HLCS: variants seen among roughly 807,000 people sequenced by gnomAD.
The protein encoded by HLCS is biotin--protein ligase.
Under a neutral mutation model 75.0 loss-of-function variants are expected in HLCS, and 53 were observed. That is an observed-to-expected ratio of 0.71 (90% confidence interval 0.57 to 0.89). The LOEUF (loss-of-function observed/expected upper bound fraction) is 0.89. Ranked by LOEUF, HLCS falls within the 40% of genes least tolerant of loss-of-function variation. The pLI is 0.00. For synonymous variants in HLCS, 431 were observed against 428.6 expected (o/e 1.01, Z -0.07); for missense variants, 966 against 1,074.0 (o/e 0.90, Z 1.41).
At chr21:36,819,292 C>T (rs1468875484) in intron 6 of HLCS, among the ~76,000 whole-genome samples, 2 of 152,168 alleles carry the variant, frequency 1.3e-5, no homozygotes, top group African/African-American at 4.8e-5. Flanking sequence ...CAGAAGGGTT[C>T]CCCAGAGGGG....
intron 2 of HLCS, among the ~76,000 whole-genome samples, chr21:36,941,651 T>C (rs1003577904): frequency 6.6e-6 from 1 of 152,116 alleles, no homozygotes; most frequent in African/African-American, 2.4e-5. Flanking sequence ...CCGAGGCAGG[T>C]AGACCACCAG....
intron 2 of HLCS, among the ~76,000 whole-genome samples, chr21:36,953,963 G>T (rs2146617799): frequency 6.6e-6 from 1 of 152,158 alleles, no homozygotes; most frequent in Admixed American, 6.5e-5. Context: ...CGTATTTCTG[G>T]TGATGCCGGT....
chr21:36,800,843 C>T (rs945942549), intron 6 of HLCS, among the ~76,000 whole-genome samples: 2 of 152,056 alleles, frequency 1.3e-5, no homozygotes. Flanking sequence ...TATTATGGAA[C>T]CCACCAAGAA....
At chr21:36,983,563 C>T (rs1306075154) in intron 1 of HLCS, among the ~76,000 whole-genome samples, 3 of 151,730 alleles carry the variant, frequency 2.0e-5, no homozygotes, top group African/African-American at 4.8e-5. Flanking sequence ...TTTGGCCGGG[C>T]GCAGTGGCTC....
At chr21:36,833,593 T>TTATATATATATATATATATATATATA (rs56412653) in intron 6 of HLCS, among the ~76,000 whole-genome samples, 87 of 139,980 alleles carry the variant, frequency 6.2e-4, no homozygotes, top group African/African-American at 2.3e-3. Context: ...TAAAAAAAAA[T>TTATATATATATATATATATATATATA]TATATATATA....
chr21:36,791,113 T>C (rs569171590), intron 6 of HLCS, among the ~76,000 whole-genome samples: 6 of 152,260 alleles, frequency 3.9e-5, no homozygotes, highest in Non-Finnish European at 7.4e-5. Context: ...CAGCAACATA[T>C]AGGCTTGTCC....
Position 36,754,412 on chromosome 21 carries a change from T to C in HLCS, c.2456A>G (p.Gln819Arg). The C allele has an allele frequency of 6.2e-7, 1 of 1,612,276 alleles. No homozygotes were observed. The change falls in exon 11 of 11, where the codon CAG (glutamine) becomes CGG (arginine). Residue 819 changes from glutamine (Q) to arginine (R), a missense_variant. Coordinates refer to ENST00000674895, the MANE Select transcript of HLCS (RefSeq NM_001352514.2). ...CTCTGCGCTGCCCAGATGGACTTGC[T>C]GACCACTGAAAAGGAAGAACAGCGT... ...LYYRYWVHSG[Q>R]QVHLGSAEGP...
At chr21:36,871,608 C>G (rs2063772432) in intron 6 of HLCS, among the ~76,000 whole-genome samples, 1 of 152,056 alleles carries the variant, frequency 6.6e-6, no homozygotes, top group African/African-American at 2.4e-5. Context: ...AAACTGTCCA[C>G]AGTTATTTGC....
intron 5 of HLCS, among the ~76,000 whole-genome samples, chr21:36,914,548 G>GC (rs2065848945): frequency 6.6e-6 from 1 of 152,198 alleles, no homozygotes; most frequent in Admixed American, 6.5e-5. Context: ...TTTGTTACCT[G>GC]CCAACTAGCG....
intron 6 of HLCS, among the ~76,000 whole-genome samples, chr21:36,893,635 G>A (rs1402295353): frequency 6.6e-6 from 1 of 152,162 alleles, no homozygotes; most frequent in Non-Finnish European, 1.5e-5. Context: ...CTCATAAGGA[G>A]CACGCAATCT....
intron 6 of HLCS, among the ~76,000 whole-genome samples, chr21:36,855,603 C>G (rs114857143): frequency 6.8e-6 from 1 of 146,500 alleles, no homozygotes; most frequent in East Asian, 2.0e-4. Flanking sequence ...TGTTTGTAGA[C>G]AGGATCTCGC....
At chr21:36,767,340 C>T in intron 6 of HLCS, 55 bp from the exon 7 acceptor site, 2 of 1,518,944 alleles carry the variant, frequency 1.3e-6, no homozygotes, top group South Asian at 2.2e-5. Flanking sequence ...CCCGCGGCAC[C>T]AATGGCTCAC....
intron 6 of HLCS, among the ~76,000 whole-genome samples, chr21:36,870,565 A>G (rs2063735164): frequency 6.6e-6 from 1 of 152,174 alleles, no homozygotes. Flanking sequence ...TAAATTTGCT[A>G]CCTTTGCAGA....
intron 8 of HLCS, among the ~76,000 whole-genome samples, chr21:36,760,658 C>T (rs548173708): frequency 6.6e-6 from 1 of 152,162 alleles, no homozygotes; most frequent in East Asian, 1.9e-4. Flanking sequence ...AGAAATTCAC[C>T]TTAGCGAAAG....
In HLCS at chr21:36,966,425, G is replaced by GGGGC; in HGVS notation, c.195+18_195+19insGCCC. The GGGGC allele has an allele frequency of 4.1e-5, 8 of 195,434 alleles. No homozygotes were observed. The highest frequency in any genetic ancestry group is 6.0e-5 in the Non-Finnish European group (7 of 116,686). The allele number at this position is 195,434 out of a possible 1,614,324, so 12.1% of individuals were successfully genotyped here. ...CCGGCTCGCGGGGCCCGGGTCGCCC[G>GGGGC]CCCGCCCGACCCGCCCACCTGGCTG... On this transcript the variant is annotated intron_variant, in intron 1 of 10. Transcript: ENST00000674895.
intron 6 of HLCS, among the ~76,000 whole-genome samples, chr21:36,780,818 G>GTGTGTC (rs2060505018): frequency 6.6e-6 from 1 of 152,072 alleles, no homozygotes; most frequent in African/African-American, 2.4e-5. Context: ...GGACAGTGGC[G>GTGTGTC]TGTGTCTGTG....
intron 2 of HLCS, among the ~76,000 whole-genome samples, chr21:36,951,519 A>T (rs764711488): frequency 1.4e-4 from 22 of 152,218 alleles, no homozygotes; most frequent in Non-Finnish European, 2.9e-4. Context: ...TATAGTACTT[A>T]ACATGGTGAC....
intron 9 of HLCS, among the ~76,000 whole-genome samples, chr21:36,757,943 A>G (rs2089669338): frequency 6.6e-6 from 1 of 152,276 alleles, no homozygotes; most frequent in South Asian, 2.1e-4. Flanking sequence ...AACACTCACT[A>G]CTGGCCACTT....
At chr21:36,801,968 T>A (rs2061216817) in intron 6 of HLCS, among the ~76,000 whole-genome samples, 1 of 152,166 alleles carries the variant, frequency 6.6e-6, no homozygotes, top group Non-Finnish European at 1.5e-5. Context: ...TTAGCAGCAA[T>A]ATGATATATA....
Sources: gnomAD v4.1 joint callset for allele counts (sites outside exome capture counted in the v4.1 genomes callset) on GRCh38, gnomAD v4.1.1 for gene constraint, MANE v1.5 for transcripts, NCBI Gene and HGNC (gene_info 2026-07-23, HGNC 2026-07-21) for gene names.